The following ATAD3B variants were observed in gnomAD, a reference collection of about 807,000 sequenced individuals.
ATAD3B encodes ATPase family AAA domain-containing protein 3B.
Under a neutral mutation model 70.2 loss-of-function variants are expected in ATAD3B, and 59 were observed. That is an observed-to-expected ratio of 0.84 (90% CI 0.68 to 1.04). The LOEUF (loss-of-function observed/expected upper bound fraction) is 1.04, where lower values mean the gene tolerates loss of function less well. Ranked by LOEUF, ATAD3B falls within the 50% of genes least tolerant of loss-of-function variation. The pLI is 0.00. For missense variants in ATAD3B, 961 were observed against 913.4 expected (o/e 1.05, Z -0.67); for synonymous variants, 423 against 388.6 (o/e 1.09, Z -1.04).
intron 1 of ATAD3B, among the ~76,000 whole-genome samples, chr1:1,476,361 G>T (rs1198883798): frequency 6.7e-6 from 1 of 150,058 alleles, no homozygotes; most frequent in South Asian, 2.1e-4. Flanking sequence ...GAGAACAGAC[G>T]CTGGGCTCTA....
chr1:1,480,730 G>A lies in ATAD3B; in HGVS notation c.445-137G>A, dbSNP rs1361722996. On this transcript the variant is annotated intron_variant, in intron 4 of 15. Transcript: ENST00000673477. ...CCGATGTCACCCGTGTCTGTGTCAG[G>A]GTGCGGCGTCTGCAGGTCCCCAGGT... 1.4e-6 allele frequency: 2 copies of A among 1,469,774 alleles called. 1 individual carries two copies. The highest frequency in any genetic ancestry group is 1.8e-6 in the Non-Finnish European group (2 of 1,101,230). 91.0% of individuals were successfully genotyped at this position (1,469,774 alleles called of 1,614,324 possible).
Position 1,497,078 on chromosome 1 carries a change from CAG to C in ATAD3B, c.*1263_*1264del, listed in dbSNP as rs941172740. 1 of 150,954 alleles carries C rather than the reference CAG, an allele frequency of 6.6e-6. No individual in the cohort carries two copies. The highest frequency in any genetic ancestry group is 1.5e-5 in the Non-Finnish European group (1 of 67,774). 9.4% of individuals were successfully genotyped at this position (150,954 alleles called of 1,614,324 possible). On this transcript the variant is annotated 3_prime_UTR_variant, in exon 16 of 16. Transcript: ENST00000673477. ...GTAGGCTGTTGGTTGAAGTAGGAAA[CAG>C]AAGAGGAGCCTGGGCACGCAACGGT...
the ATAD3B span, chr1:1,503,296 T>C: frequency 3.3e-4 from 120 of 367,974 alleles, no homozygotes; most frequent in East Asian, 5.4e-3. Flanking sequence ...TGACTTTGTG[T>C]TGAATTGGGC....
intron 13 of ATAD3B, chr1:1,489,585 C>G: frequency 2.6e-6 from 3 of 1,141,480 alleles, no homozygotes; most frequent in Non-Finnish European, 3.6e-6. Flanking sequence ...GGTCTGATTG[C>G]TGCCGCCCAG....
intron 15 of ATAD3B, among the ~76,000 whole-genome samples, chr1:1,492,481 C>T (rs965483798): frequency 2.3e-4 from 35 of 150,206 alleles, no homozygotes; most frequent in African/African-American, 8.7e-4. Flanking sequence ...GTGAGACTGT[C>T]TCAAAAATAA....
chr1:1,481,074 G>T, intron 5 of ATAD3B, 138 bp downstream of exon 5: 1 of 1,470,390 alleles, frequency 6.8e-7, no homozygotes, highest in Non-Finnish European at 9.0e-7. Context: ...GGGGCTCTGC[G>T]GGGTGGGGCT....
rs760965761 is a variant in ATAD3B, at chr1:1,471,952, C to A, written c.68C>A (p.Pro23Gln). 142 of 1,239,340 alleles carry A rather than the reference C, an allele frequency of 1.1e-4. No homozygotes were observed. The highest frequency in any genetic ancestry group is 1.4e-4 in the Non-Finnish European group (140 of 987,092). 76.8% of individuals were successfully genotyped at this position (1,239,340 alleles called of 1,614,324 possible). ...GEGAGPPPPL[P>Q]PAQPGAEGGG... ...GGCGCGGGGCCGCCGCCGCCTTTGC[C>A]GCCCGCGCAGCCCGGGGCCGAGGGC... Residue 23 changes from proline to glutamine, a missense_variant, in exon 1 of 16, where the codon CCG (proline) becomes CAG (glutamine). Transcript: ENST00000673477.
chr1:1,496,071 C>G lies in ATAD3B; in HGVS notation c.*254C>G. 1 of 1,242,760 alleles carries G rather than the reference C, an allele frequency of 8.0e-7. No homozygotes were observed. Among genetic ancestry groups the G allele is most frequent in the Non-Finnish European group, 1.0e-6 (1 of 989,812 alleles). 77.0% of individuals were successfully genotyped at this position (1,242,760 alleles called of 1,614,324 possible). On this transcript the variant is annotated 3_prime_UTR_variant, in exon 16 of 16. Transcript: ENST00000673477. ...CTAGACAGAAGTGGGGCGGCCTGAA[C>G]CCTGCTTCCAGCCATGGCCAGGGGC... is the stretch of plus-strand genomic sequence containing the variant.
chr1:1,487,788 C>G, intron 11 of ATAD3B, 75 bp from the exon 12 acceptor site: 1 of 1,568,948 alleles, frequency 6.4e-7, no homozygotes, highest in Non-Finnish European at 8.8e-7. Context: ...TGGCCTGCTC[C>G]TGCCGCGGCC....
chr1:1,478,418 C>T lies in ATAD3B; in HGVS notation c.283-226C>T, dbSNP rs1570204545. The T allele has an allele frequency of 9.9e-6, 15 of 1,509,652 alleles. No homozygotes were observed. The South Asian group carries it at 2.0e-4, about 20-fold the overall frequency. 93.5% of individuals were successfully genotyped at this position (1,509,652 alleles called of 1,614,324 possible). ...GTGGGGTTGGTGTCTGACCTCCCTCCCCGGGGGCCTTCGCAGGCTTCTCTG... is the reference window on the plus strand; with the variant it reads ...GTGGGGTTGGTGTCTGACCTCCCTCTCCGGGGGCCTTCGCAGGCTTCTCTG... On this transcript the variant is annotated intron_variant, in intron 2 of 15. Coordinates refer to ENST00000673477, the MANE Select transcript of ATAD3B (RefSeq NM_031921.6).
At position 1,480,102 on chromosome 1, in the gene ATAD3B, AACAC is replaced by A. The variant is rs535001564; in HGVS notation, c.445-758_445-755del. ...ATGGGCACACGCGCACACCGCCGCA[AACAC>A]ACACACGGGCACGTGTACGCACCCC... On this transcript the variant is annotated intron_variant, in intron 4 of 15. Transcript: ENST00000673477. 1.6e-3 allele frequency among the ~76,000 whole-genome samples: 227 copies of A among 140,358 alleles called. 12 individuals carry two copies. Among genetic ancestry groups the A allele is most frequent in the East Asian group, 4.0e-3 (18 of 4,446 alleles). 92.1% of individuals were successfully genotyped at this position (140,358 alleles called of 152,430 possible).
chr1:1,486,339 C>A, intron 10 of ATAD3B, 104 bp downstream of exon 10: 5 of 1,598,736 alleles, frequency 3.1e-6, no homozygotes, highest in Non-Finnish European at 4.3e-6. Flanking sequence ...CCCCCTTAGG[C>A]CTTTGCCTAC....
At position 1,482,071 on chromosome 1, in the gene ATAD3B, C is replaced by T. The variant is rs566880547; in HGVS notation, c.515-67C>T. 3.2e-6 allele frequency: 5 copies of T among 1,562,612 alleles called. 1 individual carries two copies. In the South Asian group the frequency reaches 5.8e-5, roughly 18 times the overall value. On this transcript the variant is annotated intron_variant, in intron 5 of 15. Transcript: ENST00000673477. ...GGCCGGTCCGTGGCGTGGGCCGGTC[C>T]ACAGTGTGGGTGGAGGTGGACGTGC...
Position 1,477,269 on chromosome 1 carries a change from C to G in ATAD3B, c.206-5C>G. ...ACCTGCTCTCCGTGCCACATGCGCC[C>G]GCAGGTTACGCCAAGGAGGCCCTGA... On this transcript the variant is annotated splice_region_variant and splice_polypyrimidine_tract_variant and intron_variant, in intron 1 of 15. Transcript: ENST00000673477. The G allele has an allele frequency of 6.2e-7, 1 of 1,612,262 alleles. No individual in the cohort carries two copies. Among genetic ancestry groups the G allele is most frequent in the Non-Finnish European group, 8.5e-7 (1 of 1,179,602 alleles).
chr1:1,505,666 C>T, the ATAD3B span, among the ~76,000 whole-genome samples: 6 of 152,248 alleles, frequency 3.9e-5, no homozygotes, highest in South Asian at 6.2e-4. Context: ...TGGCCCTGTC[C>T]GGGCGTAACG....
In ATAD3B at chr1:1,495,724, G is replaced by T. The variant is rs754236762; in HGVS notation, c.1854G>T (p.Trp618Cys). 16 of 1,613,236 alleles carry T rather than the reference G, an allele frequency of 9.9e-6. No homozygotes were observed. The highest frequency in any genetic ancestry group is 1.3e-5 in the African/African-American group (1 of 74,920). Residue 618 changes from tryptophan to cysteine, a missense_variant, in exon 16 of 16, where the codon TGG (tryptophan) becomes TGT (cysteine). Trp to Cys is a radical substitution (Grantham distance 215). This residue lies in a region of ATAD3B where 417 missense variants were observed against 335.0 expected (regional missense o/e 1.24). Coordinates refer to ENST00000673477, the MANE Select transcript of ATAD3B (RefSeq NM_031921.6). ...CCTGCACATTTAGGATATGCTCCTG[G>T]ATGGGGACTGGGCTGTGCCCAGGGC... ...AGPCTFRICS[W>C]MGTGLCPGPL... is the part of the protein sequence containing the mutation.
At chr1:1,501,921 G>A (rs188149527), downstream of ATAD3B, among the ~76,000 whole-genome samples, 93 of 151,684 alleles carry the variant, frequency 6.1e-4, no homozygotes, top group African/African-American at 1.8e-3. Flanking sequence ...ACTCGTCGCC[G>A]AGGCTGGAGT....
the ATAD3B span, among the ~76,000 whole-genome samples, chr1:1,508,354 G>A: frequency 5.9e-5 from 9 of 151,440 alleles, no homozygotes; most frequent in Admixed American, 2.6e-4. Flanking sequence ...AGGTTCTATC[G>A]TGGCGACGGT....
chr1:1,493,680 G>C (rs572285756), intron 15 of ATAD3B, among the ~76,000 whole-genome samples: 1 of 151,822 alleles, frequency 6.6e-6, no homozygotes, highest in East Asian at 1.9e-4. Flanking sequence ...TTTCCTGCAT[G>C]AGATGAGAGG....
Sources: gnomAD v4.1 joint callset for allele counts (sites outside exome capture counted in the v4.1 genomes callset) on GRCh38, gnomAD v4.1.1 for gene constraint, gnomAD v4.1.1 regional missense constraint, MANE v1.5 for transcripts, NCBI Gene and HGNC (gene_info 2026-07-23, HGNC 2026-07-21) for gene names.